Variants in MTA3 observed in about 807,000 individuals in gnomAD.
MTA3 encodes the protein metastasis-associated protein MTA3.
MTA3 carries 34 observed loss-of-function variants against 83.5 expected under a neutral mutation model. That is an observed-to-expected ratio of 0.41 (90% CI 0.31 to 0.54). The LOEUF (loss-of-function observed/expected upper bound fraction) is 0.54, where lower values mean the gene tolerates loss of function less well. Ranked by LOEUF, MTA3 falls within the 20% of genes least tolerant of loss-of-function variation. The pLI, the probability that MTA3 is intolerant of heterozygous loss-of-function variation, is 0.33. For synonymous variants in MTA3, 303 were observed against 252.7 expected (o/e 1.20, Z -1.89); for missense variants, 761 against 726.4 (o/e 1.05, Z -0.55).
intron 14 of MTA3, among the ~76,000 whole-genome samples, chr2:42,711,775 A>AGTGTGTGTTTGTGTGTGTGTGTGTGTGT (rs372997456): frequency 1.1e-4 from 15 of 139,408 alleles, no homozygotes; most frequent in Non-Finnish European, 1.8e-4. Flanking sequence ...TGTATAGGAG[A>AGTGTGTGTTTGTGTGTGTGTGTGTGTGT]GAGAGAGAGT....
At chr2:42,689,784 T>TTC (rs1308775959) in intron 9 of MTA3, among the ~76,000 whole-genome samples, 18 of 151,110 alleles carry the variant, frequency 1.2e-4, no homozygotes, top group African/African-American at 3.6e-4. Flanking sequence ...TTTTTTTTTT[T>TTC]TTCTTTTTTC....
rs888648404 is a variant in MTA3, at chr2:42,754,577, C to T, written c.*1178C>T. The T allele has an allele frequency of 1.7e-5, 17 of 985,352 alleles. No individual in the cohort carries two copies. Among genetic ancestry groups the T allele is most frequent in the Middle Eastern group, 5.2e-4 (1 of 1,936 alleles). 61.0% of individuals were successfully genotyped at this position (985,352 alleles called of 1,614,324 possible). A position where few individuals can be genotyped will look rare whatever the true frequency, so the allele number is the denominator to read the frequency against. Reference sequence around the variant, plus strand: ...GCAAGGATAGGAATAGCTCAGCGCCCGATGAGCTCCCTGAGCAGATGTGAG... The same window carrying T: ...GCAAGGATAGGAATAGCTCAGCGCCTGATGAGCTCCCTGAGCAGATGTGAG... On this transcript the variant is annotated 3_prime_UTR_variant, in exon 17 of 17. Transcript: ENST00000405094.
intron 2 of MTA3, among the ~76,000 whole-genome samples, chr2:42,535,395 C>A (rs928519322): frequency 1.3e-5 from 2 of 151,532 alleles, no homozygotes; most frequent in South Asian, 4.2e-4. Flanking sequence ...AAAAAAAAAA[C>A]AGACAAACTT....
intron 2 of MTA3, among the ~76,000 whole-genome samples, chr2:42,558,469 T>C (rs1392226497): frequency 1.3e-5 from 2 of 151,896 alleles, no homozygotes; most frequent in Non-Finnish European, 2.9e-5. Context: ...AGGCTGGTCT[T>C]GAACTCCCGA....
chr2:42,698,033 G>C (rs1693542297), intron 11 of MTA3, among the ~76,000 whole-genome samples, 199 bp downstream of exon 11: 1 of 152,280 alleles, frequency 6.6e-6, no homozygotes, highest in East Asian at 1.9e-4. Flanking sequence ...CTGAAGACTA[G>C]AGGAAGAAAT....
At chr2:42,541,180 C>CA (rs1676503489) in intron 2 of MTA3, among the ~76,000 whole-genome samples, 2 of 151,998 alleles carry the variant, frequency 1.3e-5, no homozygotes, top group Admixed American at 6.6e-5. Context: ...TACAGGCATG[C>CA]ACCACCATGC....
At chr2:42,653,532 A>G (rs1403214704) in intron 6 of MTA3, among the ~76,000 whole-genome samples, 2 of 152,218 alleles carry the variant, frequency 1.3e-5, no homozygotes, top group Admixed American at 1.3e-4. Flanking sequence ...TCTGTTCAAA[A>G]TGGGAATCTC....
chr2:42,540,998 AG>A (rs1397285621), intron 2 of MTA3, among the ~76,000 whole-genome samples: 4 of 152,096 alleles, frequency 2.6e-5, no homozygotes, highest in African/African-American at 9.7e-5. Context: ...ATGGTACAAA[AG>A]CCATACACAT....
At chr2:42,590,013 C>A (rs1470819797) in intron 3 of MTA3, among the ~76,000 whole-genome samples, 1 of 152,112 alleles carries the variant, frequency 6.6e-6, no homozygotes, top group East Asian at 1.9e-4. Context: ...AGTCTGATGC[C>A]TTGAGCTTGT....
Position 42,581,996 on chromosome 2 carries a change from C to T in MTA3, c.190+2796C>T, listed in dbSNP as rs747991479. On this transcript the variant is annotated intron_variant, in intron 3 of 16. Transcript: ENST00000405094. ...AACTCCCAACCTCAGGTGATCTGCC[C>T]GCCTCTGCCTTTCAAAATGCTGGTA... The T allele has an allele frequency of 1.6e-3, 238 of 153,124 alleles. 1 individual carries two copies. The highest frequency in any genetic ancestry group is 2.0e-3 in the Non-Finnish European group (137 of 68,820). 9.5% of individuals were successfully genotyped at this position (153,124 alleles called of 1,614,324 possible).
intron 3 of MTA3, among the ~76,000 whole-genome samples, chr2:42,596,361 A>G (rs180991192): frequency 2.0e-4 from 31 of 152,292 alleles, no homozygotes; most frequent in Middle Eastern, 6.8e-3. Flanking sequence ...CATAAAATCT[A>G]TTTTTTATCA....
Position 42,755,364 on chromosome 2 carries a change from T to A in MTA3, c.*1965T>A. The A allele has an allele frequency of 1.0e-6, 1 of 985,442 alleles. No individual in the cohort carries two copies. Among genetic ancestry groups the A allele is most frequent in the Middle Eastern group, 5.2e-4 (1 of 1,916 alleles). 61.0% of individuals were successfully genotyped at this position (985,442 alleles called of 1,614,324 possible). On this transcript the variant is annotated 3_prime_UTR_variant, in exon 17 of 17. Coordinates refer to ENST00000405094, the MANE Select transcript of MTA3 (RefSeq NM_001330442.2). ...TCTCTGCCTTTTGGGAGAGGCCCTC[T>A]CACCCAGGCCCAAGAGATTTGGAGA...
intron 8 of MTA3, among the ~76,000 whole-genome samples, chr2:42,661,262 G>C (rs1048965996): frequency 2.6e-5 from 4 of 152,074 alleles, no homozygotes; most frequent in Non-Finnish European, 5.9e-5. Flanking sequence ...ACTTTGGGGG[G>C]CTGAGGCCAG....
intron 4 of MTA3, among the ~76,000 whole-genome samples, chr2:42,615,429 C>G (rs568949261): frequency 6.6e-6 from 1 of 151,984 alleles, no homozygotes; most frequent in Non-Finnish European, 1.5e-5. Flanking sequence ...GATCTCGATT[C>G]ACTGCAACCT....
At chr2:42,525,500 TTCC>T (rs1675652758) in intron 2 of MTA3, among the ~76,000 whole-genome samples, 1 of 149,124 alleles carries the variant, frequency 6.7e-6, no homozygotes. Context: ...CCTTCCTTCC[TTCC>T]TTCCCCTTCC....
At chr2:42,526,723 C>T (rs12712846) in intron 2 of MTA3, among the ~76,000 whole-genome samples, 54,656 of 151,806 alleles carry the variant, frequency 0.36, 9,943 homozygotes, top group South Asian at 0.4. Flanking sequence ...AAAGAGGCTA[C>T]CCTTCAAGAT....
intron 2 of MTA3, among the ~76,000 whole-genome samples, chr2:42,546,262 TC>T (rs1278929652): frequency 6.6e-6 from 1 of 152,156 alleles, no homozygotes; most frequent in African/African-American, 2.4e-5. Context: ...ATGAAGTGGC[TC>T]CACTCAAACA....
intron 6 of MTA3, among the ~76,000 whole-genome samples, chr2:42,654,392 T>C (rs1688979111): frequency 6.6e-6 from 1 of 152,238 alleles, no homozygotes; most frequent in African/African-American, 2.4e-5. Context: ...AGCCTAATGT[T>C]ACAGATGCAG....
chr2:42,722,872 CT>C lies in MTA3; in HGVS notation c.1613-11del, dbSNP rs1324173456. On this transcript the variant is annotated splice_polypyrimidine_tract_variant and intron_variant, in intron 15 of 16. Transcript: ENST00000405094. ...AATATCATGTTCTGAATTGAGAAAC[CT>C]TTTTTCCCCCATCAGAGATCCATCC... is the stretch of plus-strand genomic sequence containing the variant. The C allele has an allele frequency of 6.5e-6, 10 of 1,550,112 alleles. 1 individual carries two copies. In the Admixed American group the frequency reaches 2.0e-4, roughly 30 times the overall value.
Sources: allele counts gnomAD v4.1 joint callset (sites outside exome capture counted in the v4.1 genomes callset), GRCh38; gene constraint gnomAD v4.1.1; transcripts MANE v1.5; gene names NCBI Gene and HGNC (gene_info 2026-07-23, HGNC 2026-07-21).